Variants in IGSF23 observed in about 807,000 individuals in gnomAD.
IGSF23 encodes the protein immunoglobulin superfamily, member 23.
In IGSF23, 14 loss-of-function variants were observed where a neutral mutation model predicts 17.8. That is an observed-to-expected ratio of 0.79 (90% CI 0.52 to 1.23). The LOEUF (loss-of-function observed/expected upper bound fraction) is 1.23. Ranked by LOEUF, IGSF23 falls within the 50% of genes most tolerant of loss-of-function variation. The pLI is 0.00. For synonymous variants in IGSF23, 85 were observed against 92.5 expected, an observed-to-expected ratio of 0.92 and a Z score of 0.46; for missense variants, 214 against 241.7, an observed-to-expected ratio of 0.89 and a Z score of 0.76.
intron 3 of IGSF23, among the ~76,000 whole-genome samples, chr19:44,634,015 G>T (rs1344463199): frequency 6.6e-6 from 1 of 152,206 alleles, no homozygotes; most frequent in East Asian, 1.9e-4. Flanking sequence ...CTTCCTAAAA[G>T]TAATCCTATT....
chr19:44,613,575 T>C lies in IGSF23; in HGVS notation c.-71T>C, dbSNP rs371916441. 201 of 1,474,370 alleles carry C rather than the reference T, an allele frequency of 1.4e-4. 1 individual carries two copies. In the African/African-American group the frequency reaches 2.6e-3, roughly 19 times the overall value. The allele number at this position is 1,474,370 out of a possible 1,614,324, so 91.3% of individuals were successfully genotyped here. A position where few individuals can be genotyped will look rare whatever the true frequency, so the allele number is the denominator to read the frequency against. On this transcript the variant is annotated 5_prime_UTR_variant, in exon 1 of 5. Coordinates refer to ENST00000402988, the MANE Select transcript of IGSF23 (RefSeq NM_001205280.2). ...TTGACCTTTGGCCATTCCTTGCCTTTGATGTGAGTGATAGGAGCGGGCGAT... is the reference window on the plus strand; with the variant it reads ...TTGACCTTTGGCCATTCCTTGCCTTCGATGTGAGTGATAGGAGCGGGCGAT...
intron 1 of IGSF23, chr19:44,617,963 A>C (rs1972423271): frequency 2.5e-6 from 1 of 395,558 alleles, no homozygotes; most frequent in Non-Finnish European, 5.2e-6. Context: ...AGCAGAGTGG[A>C]GCAGAGAAGG....
chr19:44,615,469 G>T (rs1196009422), intron 1 of IGSF23, among the ~76,000 whole-genome samples: 2 of 150,952 alleles, frequency 1.3e-5, no homozygotes, highest in Non-Finnish European at 3.0e-5. Flanking sequence ...ACTAAAAACA[G>T]AAAATTAGCT....
rs537657916 is a variant in IGSF23, at chr19:44,623,298, G to A, written c.126-409G>A. On this transcript the variant is annotated intron_variant, in intron 1 of 4. Coordinates refer to ENST00000402988, the MANE Select transcript of IGSF23 (RefSeq NM_001205280.2). Reference sequence around the variant, plus strand: ...GGGCAACTGGAGCACAGTCCCATTGGGGAACTCAGGCCCTGGTGTGGAATG... The same window carrying A: ...GGGCAACTGGAGCACAGTCCCATTGAGGAACTCAGGCCCTGGTGTGGAATG... 2.6e-5 allele frequency among the ~76,000 whole-genome samples: 4 copies of A among 152,342 alleles called. No individual in the cohort carries two copies. In the South Asian group the frequency reaches 8.3e-4, roughly 32 times the overall value.
chr19:44,634,359 G>A (rs1099915), intron 3 of IGSF23, among the ~76,000 whole-genome samples: 1 of 152,266 alleles, frequency 6.6e-6, no homozygotes, highest in Admixed American at 6.5e-5. Context: ...TCTGGCAGCT[G>A]ACTTGCTGAT....
At chr19:44,626,155 T>G (rs1972642467) in intron 2 of IGSF23, among the ~76,000 whole-genome samples, 1 of 152,100 alleles carries the variant, frequency 6.6e-6, no homozygotes, top group South Asian at 2.1e-4. Flanking sequence ...AAAGAATGCA[T>G]GAGTCAAGGT....
At chr19:44,630,260 G>T (rs1972736764) in intron 3 of IGSF23, among the ~76,000 whole-genome samples, 1 of 152,222 alleles carries the variant, frequency 6.6e-6, no homozygotes, top group South Asian at 2.1e-4. Flanking sequence ...GGGAGGGCCA[G>T]CCTGCAGCCT....
intron 1 of IGSF23, among the ~76,000 whole-genome samples, chr19:44,623,416 C>T (rs1005048475): frequency 6.6e-6 from 1 of 152,198 alleles, no homozygotes; most frequent in Non-Finnish European, 1.5e-5. Flanking sequence ...CCCTGATGTG[C>T]TCATTCCCCA....
At chr19:44,623,250 T>C (rs761250037) in intron 1 of IGSF23, among the ~76,000 whole-genome samples, 1 of 152,324 alleles carries the variant, frequency 6.6e-6, no homozygotes, top group Non-Finnish European at 1.5e-5. Flanking sequence ...TAATAAAAGC[T>C]GTGTTCCCAA....
In IGSF23 at chr19:44,620,394, C is replaced by A. The variant is rs558803427; in HGVS notation, c.126-3313C>A. 2.3e-3 allele frequency among the ~76,000 whole-genome samples: 317 copies of A among 140,166 alleles called. 1 individual carries two copies. The highest frequency in any genetic ancestry group is 0.015 in the South Asian group (64 of 4,246). 92.0% of individuals were successfully genotyped at this position (140,166 alleles called of 152,430 possible). On this transcript the variant is annotated intron_variant, in intron 1 of 4. Transcript: ENST00000402988. Reference sequence around the variant, plus strand: ...GTGTGTGTGTGTGTGTGAGATGGAGCCTCGCTCTGTCGCCCAGGCTGGAGT... The same window carrying A: ...GTGTGTGTGTGTGTGTGAGATGGAGACTCGCTCTGTCGCCCAGGCTGGAGT...
At chr19:44,632,968 A>T (rs2123728496) in intron 3 of IGSF23, among the ~76,000 whole-genome samples, 1 of 152,388 alleles carries the variant, frequency 6.6e-6, no homozygotes, top group Non-Finnish European at 1.5e-5. Flanking sequence ...ATTAATAGGC[A>T]TATCAAAAGC....
At chr19:44,628,891 G>A (rs925530310) in intron 3 of IGSF23, among the ~76,000 whole-genome samples, 2 of 152,226 alleles carry the variant, frequency 1.3e-5, no homozygotes, top group Admixed American at 1.3e-4. Flanking sequence ...CCCTGGGACA[G>A]TGACATTTGA....
chr19:44,634,472 G>A (rs1257935250), intron 3 of IGSF23, among the ~76,000 whole-genome samples: 1 of 152,130 alleles, frequency 6.6e-6, no homozygotes, highest in African/African-American at 2.4e-5. Flanking sequence ...TGTTGATCTG[G>A]GGGGTGTATT....
In IGSF23 at chr19:44,616,709, A is replaced by G. The variant is rs574671973; in HGVS notation, c.125+2939A>G. 7.5e-4 allele frequency among the ~76,000 whole-genome samples: 113 copies of G among 151,676 alleles called. 1 individual carries two copies. Among genetic ancestry groups the G allele is most frequent in the African/African-American group, 2.6e-3 (106 of 41,432 alleles). ...AGACTCCATCTCAAAAAAAAAAAAA[A>G]AAGAAGAAGGAAATAGAAACAATAA... is the stretch of plus-strand genomic sequence containing the variant. On this transcript the variant is annotated intron_variant, in intron 1 of 4. Transcript: ENST00000402988.
chr19:44,616,009 G>C (rs1039169153), intron 1 of IGSF23, among the ~76,000 whole-genome samples: 1 of 152,114 alleles, frequency 6.6e-6, no homozygotes, highest in Non-Finnish European at 1.5e-5. Context: ...AGTGAGCTGG[G>C]GGAGCTTACA....
At chr19:44,635,142 C>T (rs1972859483) in intron 3 of IGSF23, among the ~76,000 whole-genome samples, 1 of 152,174 alleles carries the variant, frequency 6.6e-6, no homozygotes, top group African/African-American at 2.4e-5. Flanking sequence ...TCACTGTGTC[C>T]TCACGTGACC....
chr19:44,631,414 C>T (rs12978272), intron 3 of IGSF23, among the ~76,000 whole-genome samples: 21,747 of 152,042 alleles, frequency 0.14, 1,762 homozygotes, highest in East Asian at 0.34. Flanking sequence ...ATGGTAAAAC[C>T]CCATCTCTAC....
intron 1 of IGSF23, among the ~76,000 whole-genome samples, chr19:44,614,970 A>G (rs1455591331): frequency 2.0e-5 from 3 of 152,082 alleles, no homozygotes; most frequent in Non-Finnish European, 4.4e-5. Flanking sequence ...ATAGTGAATG[A>G]ATTGCTTCCT....
chr19:44,620,344 TG>T (rs1972488664), intron 1 of IGSF23, among the ~76,000 whole-genome samples: 1 of 31,370 alleles, frequency 3.2e-5, no homozygotes, highest in Non-Finnish European at 6.8e-5. Context: ...ACTAATTTTG[TG>T]TGTGTGTGTG....
Sources: gnomAD v4.1 joint callset for allele counts (sites outside exome capture counted in the v4.1 genomes callset) on GRCh38, gnomAD v4.1.1 for gene constraint, MANE v1.5 for transcripts, NCBI Gene and HGNC (gene_info 2026-07-23, HGNC 2026-07-21) for gene names.